LIPA: variants seen among roughly 807,000 people sequenced by gnomAD.
The protein encoded by LIPA is lipase A, lysosomal acid type.
LIPA carries 26 observed loss-of-function variants against 40.6 expected under a neutral mutation model. That is an observed-to-expected ratio of 0.64 (90% CI 0.47 to 0.89). The LOEUF is 0.89. LIPA is among the 40% of genes least tolerant of loss of function. The probability of loss-of-function intolerance (pLI) is 0.00; values close to 1 mark genes in which losing one functional copy is unlikely to be tolerated. For missense variants in LIPA, 455 were observed against 479.6 expected (o/e 0.95, Z 0.48); for synonymous variants, 188 against 168.4 (o/e 1.12, Z -0.90).
At chr10:89,319,202 T>A (rs1220533592) in intron 1 of LIPA, among the ~76,000 whole-genome samples, 1 of 151,710 alleles carries the variant, frequency 6.6e-6, no homozygotes, top group Non-Finnish European at 1.5e-5. Context: ...AGGCAAGAAA[T>A]AACTAAGATC....
rs997534168 is a variant in LIPA, at chr10:89,317,270, G to A, written c.-2+25341C>T. ...ACAATCGGTAATAACAAATTTCTTC[G>A]AGCTAAGGGAGGATGTTTGAACCCA... On this transcript the variant is annotated intron_variant, in intron 1 of 5. Transcript: ENST00000282673. Among the ~76,000 whole-genome samples, 19 of 152,238 alleles carry A rather than the reference G, an allele frequency of 1.2e-4. No individual in the cohort carries two copies. In the South Asian group the frequency reaches 1.5e-3, roughly 12 times the overall value.
chr10:89,308,103 C>T (rs938820799), intron 1 of LIPA: 5 of 152,142 alleles, frequency 3.3e-5, no homozygotes, highest in Admixed American at 3.3e-4. Context: ...TCCTCATAGT[C>T]ATAATGTAGC....
At chr10:89,400,136 C>T (rs371346956) in intron 2 of LIPA, among the ~76,000 whole-genome samples, 2 of 152,248 alleles carry the variant, frequency 1.3e-5, no homozygotes, top group East Asian at 1.9e-4. Flanking sequence ...CTGGTCTATA[C>T]ATCTGTCTTT....
intron 3 of LIPA, among the ~76,000 whole-genome samples, chr10:89,240,078 G>T (rs1842947787): frequency 6.6e-6 from 1 of 152,200 alleles, no homozygotes; most frequent in Non-Finnish European, 1.5e-5. Context: ...GTCCACAGAA[G>T]AAAGCACCTG....
chr10:89,271,825 G>A (rs1418246576), intron 1 of LIPA, among the ~76,000 whole-genome samples: 1 of 152,016 alleles, frequency 6.6e-6, no homozygotes, highest in African/African-American at 2.4e-5. Context: ...AGTTTGGGAG[G>A]CCAAAGCCGG....
chr10:89,368,153 T>C (rs962229979), intron 2 of LIPA, among the ~76,000 whole-genome samples: 1 of 152,208 alleles, frequency 6.6e-6, no homozygotes, highest in Non-Finnish European at 1.5e-5. Flanking sequence ...TTGGGCTGCA[T>C]ATGAGTGCTT....
upstream of LIPA, among the ~76,000 whole-genome samples, chr10:89,344,789 C>CA (rs1273181360): frequency 6.6e-5 from 10 of 152,006 alleles, no homozygotes; most frequent in Non-Finnish European, 7.4e-5. Flanking sequence ...GGTCATAATA[C>CA]AAAATCAAAG....
chr10:89,318,757 T>C (rs563074531), intron 1 of LIPA, among the ~76,000 whole-genome samples: 1 of 152,304 alleles, frequency 6.6e-6, no homozygotes, highest in African/African-American at 2.4e-5. Context: ...CAACAGAATA[T>C]ACATTCTTCT....
intron 1 of LIPA, among the ~76,000 whole-genome samples, chr10:89,248,704 C>T (rs901279096): frequency 2.1e-5 from 3 of 146,170 alleles, no homozygotes; most frequent in Non-Finnish European, 4.4e-5. Context: ...AGGATGGTCT[C>T]GATCTCCTAA....
At chr10:89,298,186 A>T (rs1843426258) in intron 1 of LIPA, among the ~76,000 whole-genome samples, 1 of 152,212 alleles carries the variant, frequency 6.6e-6, no homozygotes, top group Non-Finnish European at 1.5e-5. Flanking sequence ...CACTATCAGC[A>T]TCTGAGCAAG....
intron 2 of LIPA, chr10:89,384,529 T>A (rs1285086298): frequency 6.2e-7 from 1 of 1,613,942 alleles, no homozygotes; most frequent in Admixed American, 1.7e-5. Context: ...TTTAAAAGGT[T>A]TGAAAATAGA....
At chr10:89,296,138 T>G (rs1013826298) in intron 1 of LIPA, among the ~76,000 whole-genome samples, 1 of 152,172 alleles carries the variant, frequency 6.6e-6, no homozygotes, top group African/African-American at 2.4e-5. Flanking sequence ...ATTTCCACTT[T>G]CCTATTTCAG....
intron 2 of LIPA, among the ~76,000 whole-genome samples, chr10:89,374,708 C>A (rs1305571816): frequency 6.6e-6 from 1 of 152,170 alleles, no homozygotes; most frequent in Non-Finnish European, 1.5e-5. Flanking sequence ...TCTGAAAACA[C>A]AATTGGCCTC....
At chr10:89,368,898 C>T (rs921990575) in intron 2 of LIPA, among the ~76,000 whole-genome samples, 1 of 143,494 alleles carries the variant, frequency 7.0e-6, no homozygotes, top group African/African-American at 2.7e-5. Flanking sequence ...CACACAAACT[C>T]ACACACTCAC....
intron 2 of LIPA, chr10:89,392,811 C>G: frequency 7.5e-7 from 1 of 1,331,744 alleles, no homozygotes; most frequent in South Asian, 1.2e-5. Flanking sequence ...TCAGTGAGGT[C>G]AGGTTTTCTA....
chr10:89,411,534 C>T lies in LIPA; in HGVS notation c.61+1257G>A, dbSNP rs552564930. On this transcript the variant is annotated intron_variant, in intron 2 of 8. Transcript: ENST00000371837. ...CCAAACTTACAAGGTTTTCAACTAA[C>T]GTAAAGTTTGCTAAAAGTTAACAGT... Among the ~76,000 whole-genome samples, 100 of 152,316 alleles carry T rather than the reference C, an allele frequency of 6.6e-4. 1 individual carries two copies. The highest frequency in any genetic ancestry group is 2.2e-3 in the African/African-American group (91 of 41,576).
chr10:89,410,218 TCATGATGTAAATGG>T (rs1448647543), intron 2 of LIPA, among the ~76,000 whole-genome samples: 2 of 152,206 alleles, frequency 1.3e-5, no homozygotes, highest in African/African-American at 4.8e-5. Context: ...GTCTGGATAC[TCATGATGTAAATGG>T]CATACTAGGT....
intron 1 of LIPA, among the ~76,000 whole-genome samples, chr10:89,249,973 A>C (rs1274674413): frequency 6.6e-6 from 1 of 152,172 alleles, no homozygotes; most frequent in Non-Finnish European, 1.5e-5. Flanking sequence ...ATTGATTCTC[A>C]GGAGATTGCA....
At chr10:89,248,758 G>A (rs1163264737) in intron 1 of LIPA, among the ~76,000 whole-genome samples, 2 of 151,966 alleles carry the variant, frequency 1.3e-5, no homozygotes, top group Non-Finnish European at 2.9e-5. Context: ...GGGATGACAG[G>A]CGTGAGCCAC....
Sources: gnomAD v4.1 joint callset for allele counts (sites outside exome capture counted in the v4.1 genomes callset) on GRCh38, gnomAD v4.1.1 for gene constraint, MANE v1.5 for transcripts, NCBI Gene and HGNC (gene_info 2026-07-23, HGNC 2026-07-21) for gene names.